Variants in LPGAT1 observed in about 807,000 individuals in gnomAD.
The protein encoded by LPGAT1 is acyl-CoA:lysophosphatidylglycerol acyltransferase 1.
In LPGAT1, 11 loss-of-function variants were observed where a neutral mutation model predicts 47.5. That is an observed-to-expected ratio of 0.23 (90% CI 0.15 to 0.38). LPGAT1 has a LOEUF of 0.38. LPGAT1 is among the 10% of genes least tolerant of loss of function. The probability of loss-of-function intolerance (pLI) is 1.00; values close to 1 mark genes in which losing one functional copy is unlikely to be tolerated. For synonymous variants in LPGAT1, 138 were observed against 144.2 expected (o/e 0.96, Z 0.31); for missense variants, 293 against 439.0 (o/e 0.67, Z 2.97).
In LPGAT1 at chr1:211,749,561, A is replaced by G; in HGVS notation, c.*338T>C. On this transcript the variant is annotated 3_prime_UTR_variant, in exon 8 of 8. Transcript: ENST00000366997. ...GAATATAACTTTCTGAGCTTCAACT[A>G]AATTGTCAAGTATAACTGGTGGCAA... 1 of 268,844 alleles carries G rather than the reference A, an allele frequency of 3.7e-6. No individual in the cohort carries two copies. The highest frequency in any genetic ancestry group is 7.0e-6 in the Non-Finnish European group (1 of 142,786). 16.7% of individuals were successfully genotyped at this position (268,844 alleles called of 1,614,324 possible).
intron 6 of LPGAT1, among the ~76,000 whole-genome samples, chr1:211,777,073 A>G (rs1658433894): frequency 6.6e-6 from 1 of 152,192 alleles, no homozygotes; most frequent in African/African-American, 2.4e-5. Context: ...TTAAAATATA[A>G]CCAAATGAAC....
At chr1:211,829,373 C>T in intron 1 of LPGAT1, 50 bp from the exon 2 acceptor site, 7 of 1,593,458 alleles carry the variant, frequency 4.4e-6, no homozygotes, top group Non-Finnish European at 6.0e-6. Context: ...TTAAATACAT[C>T]TAAACAGTCA....
intron 6 of LPGAT1, among the ~76,000 whole-genome samples, chr1:211,776,103 T>C (rs1023999827): frequency 1.3e-5 from 2 of 151,994 alleles, no homozygotes; most frequent in African/African-American, 4.8e-5. Flanking sequence ...GCTTGTCAGC[T>C]CTATAGATAA....
At chr1:211,764,667 C>G (rs576450588) in intron 6 of LPGAT1, among the ~76,000 whole-genome samples, 1 of 152,148 alleles carries the variant, frequency 6.6e-6, no homozygotes, top group Non-Finnish European at 1.5e-5. Flanking sequence ...ACTATTAGAA[C>G]AGTTTAAAAA....
chr1:211,814,928 C>T (rs1008325557), intron 2 of LPGAT1, among the ~76,000 whole-genome samples: 1 of 152,146 alleles, frequency 6.6e-6, no homozygotes, highest in Non-Finnish European at 1.5e-5. Flanking sequence ...AAATGCTCAG[C>T]TGCATTCAGC....
At chr1:211,815,163 T>A (rs537879946) in intron 2 of LPGAT1, among the ~76,000 whole-genome samples, 24 of 152,314 alleles carry the variant, frequency 1.6e-4, no homozygotes, top group Non-Finnish European at 2.5e-4. Context: ...AGCTCAAGTT[T>A]CCCTTACAAG....
intron 2 of LPGAT1, among the ~76,000 whole-genome samples, chr1:211,818,158 G>T (rs1424110380): frequency 1.3e-5 from 2 of 152,070 alleles, no homozygotes; most frequent in African/African-American, 4.8e-5. Flanking sequence ...TAATGGCAGG[G>T]TTCATTAGTC....
chr1:211,757,216 T>C (rs1657499472), intron 6 of LPGAT1, among the ~76,000 whole-genome samples: 2 of 151,608 alleles, frequency 1.3e-5, no homozygotes, highest in African/African-American at 2.4e-5. Flanking sequence ...ATCGTACCAC[T>C]GTACTCCAGC....
chr1:211,823,327 T>G (rs1459349551), intron 2 of LPGAT1, among the ~76,000 whole-genome samples: 1 of 152,228 alleles, frequency 6.6e-6, no homozygotes, highest in Non-Finnish European at 1.5e-5. Flanking sequence ...AAATCTTAGC[T>G]AATATAATCA....
chr1:211,774,091 G>T, intron 6 of LPGAT1, among the ~76,000 whole-genome samples: 1 of 137,276 alleles, frequency 7.3e-6, no homozygotes, highest in Admixed American at 7.5e-5. Flanking sequence ...TCTTAATAAT[G>T]GTGCTTTATA....
intron 2 of LPGAT1, among the ~76,000 whole-genome samples, chr1:211,808,877 C>T (rs543334075): frequency 7.8e-4 from 119 of 152,210 alleles, no homozygotes; most frequent in Non-Finnish European, 1.1e-3. Flanking sequence ...TATCTAACAA[C>T]CTCTCCCCCA....
intron 5 of LPGAT1, among the ~76,000 whole-genome samples, chr1:211,781,259 A>AAAAGAAAAC (rs780581276): frequency 2.0e-5 from 3 of 152,222 alleles, no homozygotes; most frequent in African/African-American, 7.2e-5. Context: ...AGTTCTCTGT[A>AAAAGAAAAC]AAAGAAAACA....
Position 211,783,504 on chromosome 1 carries a change from T to C in LPGAT1, c.454-2A>G. Reference sequence around the variant, plus strand: ...CTGTTGGTCACGATAAGATCTTCCCTAGAAGGTACACACACACGTAATAAG... The same window carrying C: ...CTGTTGGTCACGATAAGATCTTCCCCAGAAGGTACACACACACGTAATAAG... On this transcript the variant is annotated splice_acceptor_variant, in intron 4 of 7. Coordinates refer to ENST00000366997, the MANE Select transcript of LPGAT1 (RefSeq NM_014873.3). LOFTEE classifies it high-confidence loss of function. The C allele has an allele frequency of 6.2e-7, 1 of 1,611,466 alleles. No homozygotes were observed.
chr1:211,800,642 C>T (rs1659539459), intron 2 of LPGAT1, among the ~76,000 whole-genome samples: 1 of 152,166 alleles, frequency 6.6e-6, no homozygotes, highest in East Asian at 1.9e-4. Flanking sequence ...CTCATCAGTA[C>T]TGCAAAACTT....
intron 2 of LPGAT1, among the ~76,000 whole-genome samples, chr1:211,811,386 T>C (rs901973208): frequency 2.6e-5 from 4 of 152,158 alleles, no homozygotes; most frequent in Non-Finnish European, 4.4e-5. Context: ...ACTGATAACA[T>C]ACGGGTCAGA....
At chr1:211,814,879 A>G (rs1660115137) in intron 2 of LPGAT1, among the ~76,000 whole-genome samples, 1 of 152,182 alleles carries the variant, frequency 6.6e-6, no homozygotes, top group Admixed American at 6.5e-5. Context: ...GCTAAATACA[A>G]TAAAAGATAT....
At chr1:211,799,979 C>T (rs1481590470) in intron 2 of LPGAT1, among the ~76,000 whole-genome samples, 1 of 151,830 alleles carries the variant, frequency 6.6e-6, no homozygotes, top group East Asian at 1.9e-4. Context: ...CCAGTGGACT[C>T]TACCTTCAAA....
chr1:211,830,579 C>T lies in LPGAT1; in HGVS notation c.-34G>A. The stretch of plus-strand genomic sequence containing the variant: ...CCGCGGAGCCGGAGGTTACCTCGGG[C>T]TGGCCGGGCCCCAGCCGGGGCTTTG... On this transcript the variant is annotated 5_prime_UTR_variant, in exon 1 of 8. Coordinates refer to ENST00000366997, the MANE Select transcript of LPGAT1 (RefSeq NM_014873.3). The surrounding 1 kb of genome is among the most constrained non-coding windows in gnomAD (Gnocchi z 5.9). 2 of 1,163,322 alleles carry T rather than the reference C, an allele frequency of 1.7e-6. No individual in the cohort carries two copies. Among genetic ancestry groups the T allele is most frequent in the South Asian group, 8.5e-5 (2 of 23,548 alleles). 72.1% of individuals were successfully genotyped at this position (1,163,322 alleles called of 1,614,324 possible). A position where few individuals can be genotyped will look rare whatever the true frequency, so the allele number is the denominator to read the frequency against.
intron 2 of LPGAT1, among the ~76,000 whole-genome samples, chr1:211,821,914 A>G (rs1413845452): frequency 6.6e-6 from 1 of 152,236 alleles, no homozygotes; most frequent in African/African-American, 2.4e-5. Flanking sequence ...ATAAAATACA[A>G]TGGCAGAACC....
Sources: allele counts gnomAD v4.1 joint callset (sites outside exome capture counted in the v4.1 genomes callset), GRCh38; gene constraint gnomAD v4.1.1; non-coding constraint Gnocchi (gnomAD v3.1); transcripts MANE v1.5; gene names NCBI Gene and HGNC (gene_info 2026-07-23, HGNC 2026-07-21).